The following MMP9 variants were observed in gnomAD, a reference collection of about 807,000 sequenced individuals.
MMP9 encodes the protein matrix metallopeptidase 9.
In MMP9, 73 loss-of-function variants were observed where a neutral mutation model predicts 76.4. That is an observed-to-expected ratio of 0.96 (90% CI 0.79 to 1.16). MMP9 has a LOEUF of 1.16. MMP9 is among the 50% of genes most tolerant of loss of function. The probability of loss-of-function intolerance (pLI) is 0.00; values close to 1 mark genes in which losing one functional copy is unlikely to be tolerated. For synonymous variants in MMP9, 412 were observed against 408.4 expected (o/e 1.01, Z -0.11); for missense variants, 943 against 973.0 (o/e 0.97, Z 0.41).
At chr20:46,010,343 A>AAAAAAAAAAAAAAAAT in intron 2 of MMP9, 140 bp from the exon 3 acceptor site, 1 of 926,570 alleles carries the variant, frequency 1.1e-6, no homozygotes, top group Non-Finnish European at 1.6e-6. Context: ...AAAAAAAAAC[A>AAAAAAAAAAAAAAAAT]GTCTGGAAGC....
intron 6 of MMP9, among the ~76,000 whole-genome samples, 186 bp downstream of exon 6, chr20:46,011,933 A>G (rs1439334257): frequency 6.6e-6 from 1 of 152,018 alleles, no homozygotes; most frequent in East Asian, 1.9e-4. Flanking sequence ...CGCCCCAGCC[A>G]CTAAGGTTCG....
In MMP9 at chr20:46,016,265, G is replaced by T. The variant is rs1206068410; in HGVS notation, c.2021G>T (p.Cys674Phe). 1 of 1,614,090 alleles carries T rather than the reference G, an allele frequency of 6.2e-7. No homozygotes were observed. Residue 674 changes from cysteine (C) to phenylalanine (F), a missense_variant, in exon 13 of 13, where the codon TGC becomes TTC. Coordinates refer to ENST00000372330, the MANE Select transcript of MMP9 (RefSeq NM_004994.3). ...VFQYREKAYF[C>F]QDRFYWRVSS... is the part of the protein sequence containing the mutation. ...TCTCCTGCAGAGAAAGCCTATTTCT[G>T]CCAGGACCGCTTCTACTGGCGCGTG...
intron 2 of MMP9, among the ~76,000 whole-genome samples, 165 bp from the exon 3 acceptor site, chr20:46,010,318 A>C (rs2084267829): frequency 9.4e-6 from 1 of 106,588 alleles, no homozygotes; most frequent in African/African-American, 3.4e-5. Context: ...GGGTCTAAGT[A>C]GACAAAAAAA....
chr20:46,014,201 G>C lies in MMP9; in HGVS notation c.1828G>C (p.Val610Leu), dbSNP rs765708300. The C allele has an allele frequency of 1.2e-5, 18 of 1,538,168 alleles. No homozygotes were observed. Among genetic ancestry groups the C allele is most frequent in the Non-Finnish European group, 1.5e-5 (17 of 1,144,586 alleles). ...GGACAAGCTGGGCCTGGGAGCCGAC[G>C]TGGCCCAGGTGACCGGGGCCCTCCG... ...RLDKLGLGAD[V>L]AQVTGALRSG... Residue 610 changes from valine to leucine, a missense_variant, in exon 11 of 13, where the codon GTG (valine) becomes CTG (leucine). Transcript: ENST00000372330.
In MMP9 at chr20:46,011,500, G is replaced by A. The variant is rs41347245; in HGVS notation, c.824-74G>A. The A allele has an allele frequency of 0.011, 17,981 of 1,598,088 alleles. 269 individuals carry two copies. The highest frequency in any genetic ancestry group is 0.071 in the African/African-American group (5,268 of 74,676). On this transcript the variant is annotated intron_variant, in intron 5 of 12. Coordinates refer to ENST00000372330, the MANE Select transcript of MMP9 (RefSeq NM_004994.3). ...AACTGCAGACCATCCATGGGTCAAA[G>A]AACAGGACACACTTGGGGGTTATAA...
Position 46,013,936 on chromosome 20 carries a change from G to A in MMP9, c.1750+140G>A. The stretch of plus-strand genomic sequence containing the variant: ...GGCGGACGCAGTTTAGCAAACGTAG[G>A]GGCGGCTGAGTTTCTGCCCCCTCCT... On this transcript the variant is annotated intron_variant, in intron 10 of 12. Transcript: ENST00000372330. The surrounding 1 kb of genome is among the most constrained non-coding windows in gnomAD (Gnocchi z 4.5). The A allele has an allele frequency of 7.0e-7, 1 of 1,422,858 alleles. No homozygotes were observed. The highest frequency in any genetic ancestry group is 9.6e-7 in the Non-Finnish European group (1 of 1,046,970). The allele number at this position is 1,422,858 out of a possible 1,614,324, so 88.1% of individuals were successfully genotyped here.
Position 46,013,978 on chromosome 20 carries a change from C to G in MMP9, c.1751-146C>G, listed in dbSNP as rs2062559119. On this transcript the variant is annotated intron_variant, in intron 10 of 12. Coordinates refer to ENST00000372330, the MANE Select transcript of MMP9 (RefSeq NM_004994.3). This position sits in a 1 kb window ranked among gnomAD's most constrained non-coding sequence, Gnocchi z 4.5. ...CCCCCTCCTCTCCACGCCCTCGCGT[C>G]GCTCTACCCAGCGCCTCTGCCCCTG... 1 of 1,412,062 alleles carries G rather than the reference C, an allele frequency of 7.1e-7. No individual in the cohort carries two copies. The highest frequency in any genetic ancestry group is 9.5e-7 in the Non-Finnish European group (1 of 1,047,794). 87.5% of individuals were successfully genotyped at this position (1,412,062 alleles called of 1,614,324 possible). A position where few individuals can be genotyped will look rare whatever the true frequency, so the allele number is the denominator to read the frequency against.
Position 46,013,833 on chromosome 20 carries a change from C to A in MMP9, c.1750+37C>A. 1 of 1,610,382 alleles carries A rather than the reference C, an allele frequency of 6.2e-7. No individual in the cohort carries two copies. Among genetic ancestry groups the A allele is most frequent in the Non-Finnish European group, 8.5e-7 (1 of 1,179,066 alleles). ...ACTTTCCCTCCCCCGCCCGGTCAAT[C>A]CCCATCAGTCAAGGAGGCTCAAGAG... On this transcript the variant is annotated intron_variant, in intron 10 of 12. Coordinates refer to ENST00000372330, the MANE Select transcript of MMP9 (RefSeq NM_004994.3). The surrounding 1 kb of genome is among the most constrained non-coding windows in gnomAD (Gnocchi z 4.5).
intron 2 of MMP9, among the ~76,000 whole-genome samples, 162 bp from the exon 3 acceptor site, chr20:46,010,321 C>CA (rs58031394): frequency 9.6e-5 from 6 of 62,488 alleles, no homozygotes; most frequent in African/African-American, 1.7e-4. Flanking sequence ...TCTAAGTAGA[C>CA]AAAAAAAAAA....
At position 46,011,629 on chromosome 20, in the gene MMP9, C is replaced by T. The variant is rs1312577207; in HGVS notation, c.879C>T (p.Ile293=). 1.9e-6 allele frequency: 3 copies of T among 1,613,868 alleles called. No individual in the cohort carries two copies. The highest frequency in any genetic ancestry group is 2.7e-5 in the African/African-American group (2 of 74,832). The change falls in exon 6 of 13, where the codon ATC becomes ATT. Residue 293 remains isoleucine, a synonymous_variant. Transcript: ENST00000372330. The part of the protein sequence containing the change: ...ADGKPCQFPF[I]FQGQSYSACT... ...GGAAACCCTGCCAGTTTCCATTCAT[C>T]TTCCAAGGCCAATCCTACTCCGCCT...
chr20:46,012,228 C>G lies in MMP9; in HGVS notation c.1089C>G (p.Ser363Arg), dbSNP rs1426221127. 6.2e-7 allele frequency: 1 copy of G among 1,614,158 alleles called. No homozygotes were observed. Among genetic ancestry groups the G allele is most frequent in the Non-Finnish European group, 8.5e-7 (1 of 1,180,050 alleles). The change falls in exon 7 of 13, where the codon AGC (serine) becomes AGG (arginine). Residue 363 changes from serine to arginine, a missense_variant. Coordinates refer to ENST00000372330, the MANE Select transcript of MMP9 (RefSeq NM_004994.3). The stretch of plus-strand genomic sequence containing the variant: ...GTAAGGAGTACTCGACCTGTACCAG[C>G]GAGGGCCGCGGAGATGGGCGCCTCT... ...FLGKEYSTCT[S>R]EGRGDGRLWC...
At chr20:46,012,015 T>A in intron 6 of MMP9, 122 bp from the exon 7 acceptor site, 1 of 1,340,138 alleles carries the variant, frequency 7.5e-7, no homozygotes, top group Admixed American at 2.0e-5. Context: ...TCTAGCCTCT[T>A]CTCAGGAGTG....
chr20:46,011,877 C>A, intron 6 of MMP9, 130 bp downstream of exon 6: 1 of 1,160,230 alleles, frequency 8.6e-7, no homozygotes, highest in Non-Finnish European at 1.2e-6. Context: ...GTGACTCCGC[C>A]CACCTACACC....
At chr20:46,010,372 T>C in intron 2 of MMP9, 111 bp from the exon 3 acceptor site, 1 of 1,123,414 alleles carries the variant, frequency 8.9e-7, no homozygotes, top group Non-Finnish European at 1.3e-6. Flanking sequence ...GATGAGAGCG[T>C]GGACGGCAGA....
intron 2 of MMP9, 60 bp downstream of exon 2, chr20:46,010,158 C>A: frequency 1.4e-6 from 2 of 1,444,064 alleles, no homozygotes; most frequent in Non-Finnish European, 1.9e-6. Flanking sequence ...GGCTCTTGGG[C>A]CAGCGGTGAA....
chr20:46,011,223 T>C lies in MMP9; in HGVS notation c.730T>C (p.Cys244Arg). ...FIFEGRSYSA[C>R]TTDGRSDGLP... ...CTTCGAGGGCCGCTCCTACTCTGCCTGCACCACCGACGGTCGCTCCGACGG... is the reference window on the plus strand; with the variant it reads ...CTTCGAGGGCCGCTCCTACTCTGCCCGCACCACCGACGGTCGCTCCGACGG... The change falls in exon 5 of 13, where the codon TGC becomes CGC. Residue 244 changes from cysteine to arginine, a missense_variant. Transcript: ENST00000372330. 4 of 1,613,968 alleles carry C rather than the reference T, an allele frequency of 2.5e-6. No individual in the cohort carries two copies. The highest frequency in any genetic ancestry group is 3.4e-6 in the Non-Finnish European group (4 of 1,180,040).
chr20:46,010,901 C>G (rs199864845), intron 3 of MMP9, 21 bp from the exon 4 acceptor site: 67 of 1,614,126 alleles, frequency 4.2e-5, no homozygotes, highest in Middle Eastern at 1.6e-4. Flanking sequence ...TAACCCTCTT[C>G]CTCTCGACCT....
At position 46,012,144 on chromosome 20, in the gene MMP9, G is replaced by C; in HGVS notation, c.1005G>C (p.Ser335=). 2 of 1,614,000 alleles carry C rather than the reference G, an allele frequency of 1.2e-6. No homozygotes were observed. Among genetic ancestry groups the C allele is most frequent in the Non-Finnish European group, 1.7e-6 (2 of 1,179,986 alleles). The change falls in exon 7 of 13, where the codon TCG becomes TCC. Residue 335 remains serine (S), a synonymous_variant. Coordinates refer to ENST00000372330, the MANE Select transcript of MMP9 (RefSeq NM_004994.3). ...GGCCTTGGGTCTCTCCAGCTGACTC[G>C]ACGGTGATGGGGGGCAACTCGGCGG... is the stretch of plus-strand genomic sequence containing the variant. ...LFGFCPTRAD[S]TVMGGNSAGE... is the part of the protein sequence containing the mutation.
At chr20:46,011,981 G>T (rs1376455782) in intron 6 of MMP9, among the ~76,000 whole-genome samples, 156 bp from the exon 7 acceptor site, 1 of 152,234 alleles carries the variant, frequency 6.6e-6, no homozygotes, top group Non-Finnish European at 1.5e-5. Context: ...TCCTTGGTCT[G>T]GTGTCCCAGG....
Sources: gnomAD v4.1 joint callset for allele counts (sites outside exome capture counted in the v4.1 genomes callset) on GRCh38, gnomAD v4.1.1 for gene constraint, Gnocchi (gnomAD v3.1) non-coding constraint, MANE v1.5 for transcripts, NCBI Gene and HGNC (gene_info 2026-07-23, HGNC 2026-07-21) for gene names.